The following MATR3 variants were observed in gnomAD, a reference collection of about 807,000 sequenced individuals.
The protein encoded by MATR3 is matrin 3, also known as matrin-3.
In MATR3, 4 loss-of-function variants were observed where a neutral mutation model predicts 85.5. The observed-to-expected ratio is 0.05, with a 90% CI of 0.02 to 0.11. MATR3 has a LOEUF of 0.11. Among genes scored for constraint, MATR3 ranks in the 10% least tolerant of loss-of-function variants. MATR3 has a pLI of 1.00. For missense variants in MATR3, 685 were observed against 1,016.1 expected (o/e 0.67, Z 4.43); for synonymous variants, 336 against 343.1 (o/e 0.98, Z 0.23).
chr5:139,287,544 G>T (rs1162269796), intron 3 of MATR3, among the ~76,000 whole-genome samples: 1 of 152,072 alleles, frequency 6.6e-6, no homozygotes, highest in African/African-American at 2.4e-5. Flanking sequence ...GCCTGAACCC[G>T]GTGGGCGGAG....
At chr5:139,311,408 A>G (rs1466082247) in intron 2 of MATR3, 1 of 152,102 alleles carries the variant, frequency 6.6e-6, no homozygotes, top group African/African-American at 2.4e-5. Flanking sequence ...AAACTCTTTC[A>G]CTTAGTCCCC....
upstream of MATR3, among the ~76,000 whole-genome samples, chr5:139,289,522 A>C (rs1389793568): frequency 6.6e-6 from 1 of 151,278 alleles, no homozygotes; most frequent in African/African-American, 2.5e-5. Flanking sequence ...ACTTTCTCAC[A>C]GAGTAAATTG....
At chr5:139,315,453 AACTT>A (rs1755194553) in intron 3 of MATR3, 1 of 440,396 alleles carries the variant, frequency 2.3e-6, no homozygotes, top group Non-Finnish European at 4.1e-6. Flanking sequence ...ATAGAGGAAA[AACTT>A]AATTTCAACA....
chr5:139,315,665 A>G (rs371348791), intron 3 of MATR3, 32 bp from the exon 4 acceptor site: 3 of 1,518,724 alleles, frequency 2.0e-6, no homozygotes, highest in African/African-American at 1.4e-5. Flanking sequence ...GGACAGTTTT[A>G]TTTTAAAGTT....
rs548768105 is a variant in MATR3 at position 139,329,478 on chromosome 5, T to C, written c.*83T>C. The C allele has an allele frequency of 1.0e-4, 113 of 1,108,634 alleles. No homozygotes were observed. The highest frequency in any genetic ancestry group is 1.4e-4 in the Non-Finnish European group (105 of 732,702). 68.7% of individuals were successfully genotyped at this position (1,108,634 alleles called of 1,614,324 possible). ...TAACCTTTTTTAAATACAATACTGA[T>C]AGTTAGAAGAAAACTATTGTACTCT... On this transcript the variant is annotated 3_prime_UTR_variant, in exon 15 of 15. Coordinates refer to ENST00000394805, the MANE Select transcript of MATR3 (RefSeq NM_018834.6).
At chr5:139,321,044 C>A (rs143195105) in intron 9 of MATR3, among the ~76,000 whole-genome samples, 3 of 151,610 alleles carry the variant, frequency 2.0e-5, no homozygotes. Flanking sequence ...GCTGAGCCAC[C>A]GCGCCCAGCC....
rs146550337 is a variant in MATR3 at position 139,326,245 on chromosome 5, T to C, written c.2454T>C (p.Asn818=). The C allele has an allele frequency of 1.5e-5, 25 of 1,613,648 alleles. No individual in the cohort carries two copies. Among genetic ancestry groups the C allele is most frequent in the Non-Finnish European group, 2.1e-5 (25 of 1,179,730 alleles). Residue 818 remains asparagine, a synonymous_variant, in exon 14 of 15, where the codon AAT becomes AAC. Coordinates refer to ENST00000394805, the MANE Select transcript of MATR3 (RefSeq NM_018834.6). ...LFYTNEEVAK[N]THCSSLPHYQ... ...ATACAAATGAAGAAGTTGCAAAGAA[T>C]ACTCATTGCAGCAGCCTTCCTCATT...
At chr5:139,325,741 G>A in intron 13 of MATR3, 79 bp downstream of exon 13, 1 of 1,308,450 alleles carries the variant, frequency 7.6e-7, no homozygotes, top group Non-Finnish European at 1.1e-6. Flanking sequence ...AGATTTTAAA[G>A]TTGGTCTTAC....
At chr5:139,324,290 G>GTTTTT (rs767660135) in intron 12 of MATR3, among the ~76,000 whole-genome samples, 38 of 107,658 alleles carry the variant, frequency 3.5e-4, no homozygotes, top group Non-Finnish European at 5.6e-4. Flanking sequence ...GAGCATGATT[G>GTTTTT]TTTTTTTTTT....
Position 139,325,672 on chromosome 5 carries a change from A to G in MATR3, c.2371+10A>G. ...CCCAATGTTCCTGTTGGTGAGATTT[A>G]AGTCTTTGTTCTTCACCTTCCTCAC... On this transcript the variant is annotated intron_variant, in intron 13 of 14. Coordinates refer to ENST00000394805, the MANE Select transcript of MATR3 (RefSeq NM_018834.6). 1.9e-6 allele frequency: 3 copies of G among 1,609,704 alleles called. No homozygotes were observed. The highest frequency in any genetic ancestry group is 2.6e-6 in the Non-Finnish European group (3 of 1,175,962).
intron 3 of MATR3, chr5:139,315,441 A>C (rs1755193594): frequency 2.4e-6 from 1 of 411,238 alleles, no homozygotes; most frequent in Non-Finnish European, 4.4e-6. Context: ...ACAATTTAAC[A>C]AATAGAGGAA....
rs546180828 is a variant in MATR3, at chr5:139,279,354, G to A, written c.-178+225G>A. ...AGCGATTCTCCTGCCTCAGCCTCCC[G>A]AGTAGCTGGGACTACAGGCACCTGC... On this transcript the variant is annotated intron_variant, in intron 3 of 16. Transcript: ENST00000509990. 3.9e-5 allele frequency: 13 copies of A among 331,260 alleles called. 1 individual carries two copies. The highest frequency in any genetic ancestry group is 2.2e-3 in the Middle Eastern group (2 of 920). The allele number at this position is 331,260 out of a possible 1,614,324, so 20.5% of individuals were successfully genotyped here.
Position 139,317,591 on chromosome 5 carries a change from GATA to G in MATR3, c.1183-4_1183-2del, listed in dbSNP as rs1561939243. The G allele has an allele frequency of 6.2e-7, 1 of 1,611,568 alleles. No individual in the cohort carries two copies. The highest frequency in any genetic ancestry group is 1.7e-5 in the Admixed American group (1 of 60,004). On this transcript the variant is annotated splice_acceptor_variant and splice_polypyrimidine_tract_variant and intron_variant, in intron 6 of 14. Coordinates refer to ENST00000394805, the MANE Select transcript of MATR3 (RefSeq NM_018834.6). LOFTEE classifies it high-confidence loss of function. ...ATTGCTTGGTTTTTTTCCCCTAATG[GATA>G]GGAAACTAGCAGAGTTGTTCACATC...
At chr5:139,313,038 T>A (rs1252761703) in intron 2 of MATR3, 1 of 151,954 alleles carries the variant, frequency 6.6e-6, no homozygotes, top group Non-Finnish European at 1.5e-5. Context: ...TTTTTTTTTT[T>A]TTTTTTTAGG....
chr5:139,315,410 T>G (rs895183894), intron 3 of MATR3: 43 of 351,338 alleles, frequency 1.2e-4, no homozygotes, highest in Admixed American at 1.8e-4. Flanking sequence ...TTTCTAATTC[T>G]TTGTGCGGCA....
At chr5:139,289,498 G>T (rs189802533), upstream of MATR3, among the ~76,000 whole-genome samples, 3 of 152,308 alleles carry the variant, frequency 2.0e-5, no homozygotes, top group Admixed American at 2.0e-4. Context: ...TGCAGCTCCA[G>T]CTCTCAACAG....
chr5:139,324,369 C>G (rs1480337906), intron 12 of MATR3, among the ~76,000 whole-genome samples: 2 of 139,832 alleles, frequency 1.4e-5, no homozygotes, highest in Non-Finnish European at 3.0e-5. Flanking sequence ...TCTCAGCTAA[C>G]TGCAACCTCC....
intron 2 of MATR3, among the ~76,000 whole-genome samples, chr5:139,278,061 CT>C (rs1753360886): frequency 6.6e-6 from 1 of 151,652 alleles, no homozygotes; most frequent in South Asian, 2.1e-4. Flanking sequence ...GAGATCTCAT[CT>C]CTATAAAAAA....
At chr5:139,274,102 C>G (rs1170067680) in exon 1 of MATR3, 1 of 451,746 alleles carries the variant, frequency 2.2e-6, no homozygotes, top group Admixed American at 2.4e-5. Flanking sequence ...TCCCGGCTGC[C>G]CTTTCCCCTC....
Sources: allele counts gnomAD v4.1 joint callset (sites outside exome capture counted in the v4.1 genomes callset), GRCh38; gene constraint gnomAD v4.1.1; transcripts MANE v1.5; gene names NCBI Gene and HGNC (gene_info 2026-07-23, HGNC 2026-07-21).